YWHAE: variants seen among roughly 807,000 people sequenced by gnomAD.
The protein encoded by YWHAE is 14-3-3 protein epsilon.
YWHAE carries 4 observed loss-of-function variants against 30.1 expected under a neutral mutation model. The ratio of observed to expected loss-of-function variants is 0.13; its 90% CI spans 0.07 to 0.30. The LOEUF is 0.30. Among genes scored for constraint, YWHAE ranks in the 10% least tolerant of loss-of-function variants. YWHAE has a pLI of 1.00. For missense variants in YWHAE, 121 were observed against 315.9 expected (o/e 0.38, Z 4.68); for synonymous variants, 118 against 111.8 (o/e 1.06, Z -0.35).
rs1387965973 is a variant in YWHAE, at chr17:1,345,225, A to G, written c.*222T>C. On this transcript the variant is annotated 3_prime_UTR_variant, in exon 6 of 6. Coordinates refer to ENST00000264335, the MANE Select transcript of YWHAE (RefSeq NM_006761.5). ...TCCTGTTAGTGTCTTAAAGAACCTA[A>G]AAGCTGGGACCAGTAAAATCCACAG... The G allele has an allele frequency of 7.0e-6, 4 of 574,458 alleles. No homozygotes were observed. Among genetic ancestry groups the G allele is most frequent in the Non-Finnish European group, 1.2e-5 (4 of 326,470 alleles). 35.6% of individuals were successfully genotyped at this position (574,458 alleles called of 1,614,324 possible). A position where few individuals can be genotyped will look rare whatever the true frequency, so the allele number is the denominator to read the frequency against.
rs551918847 is a variant in YWHAE, at chr17:1,351,364, G to A, written c.715+2847C>T. On this transcript the variant is annotated intron_variant, in intron 5 of 5. Coordinates refer to ENST00000264335, the MANE Select transcript of YWHAE (RefSeq NM_006761.5). ...CTGCACTCCAGCCTGGGTAACAAGA[G>A]CAAAACTCCATCTCAAAAAAAAAAA... Among the ~76,000 whole-genome samples the A allele has an allele frequency of 2.0e-5, 3 of 150,868 alleles. No homozygotes were observed. In the East Asian group the frequency reaches 5.9e-4, roughly 29 times the overall value.
At chr17:1,347,581 G>T (rs984834764) in intron 5 of YWHAE, among the ~76,000 whole-genome samples, 1 of 152,120 alleles carries the variant, frequency 6.6e-6, no homozygotes, top group East Asian at 1.9e-4. Flanking sequence ...AAATTGCTTA[G>T]GGATGAAAGA....
chr17:1,369,737 G>C (rs753599238), intron 1 of YWHAE: 5 of 152,002 alleles, frequency 3.3e-5, no homozygotes, highest in Non-Finnish European at 7.4e-5. Context: ...TTCAGTTCCA[G>C]AGCACTGCAA....
intron 1 of YWHAE, among the ~76,000 whole-genome samples, chr17:1,366,582 T>C (rs796657440): frequency 1.9e-4 from 29 of 152,268 alleles, no homozygotes; most frequent in African/African-American, 6.5e-4. Context: ...TCCTTAGCTT[T>C]CATTAACACC....
At chr17:1,389,881 T>A (rs1368903825) in intron 1 of YWHAE, among the ~76,000 whole-genome samples, 1 of 151,506 alleles carries the variant, frequency 6.6e-6, no homozygotes, top group African/African-American at 2.4e-5. Flanking sequence ...TTTGCTCTTG[T>A]CGCCCAGGCT....
chr17:1,382,751 G>A (rs1390992668), intron 1 of YWHAE, among the ~76,000 whole-genome samples: 2 of 152,180 alleles, frequency 1.3e-5, no homozygotes, highest in East Asian at 3.9e-4. Context: ...CAGGCCAGGT[G>A]CGGTGGCTCA....
intron 1 of YWHAE, among the ~76,000 whole-genome samples, chr17:1,370,677 T>C (rs1380331932): frequency 6.6e-6 from 1 of 152,050 alleles, no homozygotes; most frequent in Non-Finnish European, 1.5e-5. Flanking sequence ...GTGATCTGCC[T>C]ACCTGCTGTG....
chr17:1,398,390 G>A (rs148668375), intron 1 of YWHAE, among the ~76,000 whole-genome samples: 29 of 141,380 alleles, frequency 2.1e-4, no homozygotes, highest in African/African-American at 7.0e-4. Context: ...GAATTTACAA[G>A]ACGAAATTTA....
chr17:1,345,061 G>A lies in YWHAE; in HGVS notation c.*386C>T, dbSNP rs912567519. ...AACTGATACCACTTATGCCTCTATA[G>A]TGTGATTAACCTCTCTCTTAGATGC... On this transcript the variant is annotated 3_prime_UTR_variant, in exon 6 of 6. Transcript: ENST00000264335. 2.9e-5 allele frequency: 8 copies of A among 272,282 alleles called. No individual in the cohort carries two copies. Among genetic ancestry groups the A allele is most frequent in the Non-Finnish European group, 5.6e-5 (8 of 143,110 alleles). The allele number at this position is 272,282 out of a possible 1,614,324, so 16.9% of individuals were successfully genotyped here.
chr17:1,399,203 C>G (rs1349717025), intron 1 of YWHAE: 2 of 152,138 alleles, frequency 1.3e-5, no homozygotes, highest in African/African-American at 4.8e-5. Flanking sequence ...TTCTATCCAT[C>G]AGAACCCACG....
intron 1 of YWHAE, among the ~76,000 whole-genome samples, chr17:1,370,271 C>T (rs922012910): frequency 4.0e-5 from 6 of 148,916 alleles, no homozygotes; most frequent in East Asian, 4.0e-4. Flanking sequence ...GGACCACAGG[C>T]GCCCGTCACC....
In YWHAE at chr17:1,381,971, A is replaced by G. The variant is rs75528108; in HGVS notation, c.65-16913T>C. 3.3e-3 allele frequency among the ~76,000 whole-genome samples: 493 copies of G among 150,412 alleles called. 1 individual carries two copies. The highest frequency in any genetic ancestry group is 0.01 in the Middle Eastern group (3 of 290). On this transcript the variant is annotated intron_variant, in intron 1 of 5. Coordinates refer to ENST00000264335, the MANE Select transcript of YWHAE (RefSeq NM_006761.5). ...GAAAAGGAAAAAAAAACACAGATAT[A>G]TAGGCACTGGAGCAAAGAAAAAGTT...
rs1369510480 is a variant in YWHAE at position 1,400,144 on chromosome 17, G to A, written c.-34C>T. The A allele has an allele frequency of 6.2e-7, 1 of 1,612,616 alleles. No individual in the cohort carries two copies. Among genetic ancestry groups the A allele is most frequent in the Admixed American group, 1.7e-5 (1 of 60,016 alleles). On this transcript the variant is annotated 5_prime_UTR_variant, in exon 1 of 6. Coordinates refer to ENST00000264335, the MANE Select transcript of YWHAE (RefSeq NM_006761.5). Reference sequence around the variant, plus strand: ...CGGCTCCGGCAGGGTCTGCGCGACGGATGGAAGCGGATAGTGTCTCCGACT... The same window carrying A: ...CGGCTCCGGCAGGGTCTGCGCGACGAATGGAAGCGGATAGTGTCTCCGACT...
chr17:1,374,179 G>A (rs1161500517), intron 1 of YWHAE, among the ~76,000 whole-genome samples: 1 of 151,796 alleles, frequency 6.6e-6, no homozygotes, highest in Non-Finnish European at 1.5e-5. Context: ...CTGCCATGAT[G>A]TCTAGGCGAA....
chr17:1,364,134 A>G (rs1373405546), intron 2 of YWHAE, among the ~76,000 whole-genome samples: 1 of 152,136 alleles, frequency 6.6e-6, no homozygotes, highest in Non-Finnish European at 1.5e-5. Flanking sequence ...ATATGTATAT[A>G]CACCCACAGT....
chr17:1,364,370 G>T (rs556503529), intron 2 of YWHAE, among the ~76,000 whole-genome samples: 16 of 152,102 alleles, frequency 1.1e-4, no homozygotes, highest in African/African-American at 3.9e-4. Context: ...GGGACCACAG[G>T]CTCCCGCCAC....
At chr17:1,391,544 T>C (rs2150877108) in intron 1 of YWHAE, among the ~76,000 whole-genome samples, 1 of 152,336 alleles carries the variant, frequency 6.6e-6, no homozygotes, top group East Asian at 1.9e-4. Context: ...TGACTTTCAT[T>C]ATTATTTGCT....
At chr17:1,358,074 C>T (rs1244274850) in intron 4 of YWHAE, among the ~76,000 whole-genome samples, 1 of 151,808 alleles carries the variant, frequency 6.6e-6, no homozygotes, top group Non-Finnish European at 1.5e-5. Flanking sequence ...ACTTAACAAA[C>T]GAAAAAAACA....
intron 2 of YWHAE, among the ~76,000 whole-genome samples, chr17:1,363,957 C>A (rs1197022656): frequency 1.3e-5 from 2 of 152,202 alleles, no homozygotes; most frequent in African/African-American, 2.4e-5. Flanking sequence ...GTCCCCACCC[C>A]ACTAGATGCT....
Sources: allele counts gnomAD v4.1 joint callset (sites outside exome capture counted in the v4.1 genomes callset), GRCh38; gene constraint gnomAD v4.1.1; transcripts MANE v1.5; gene names NCBI Gene and HGNC (gene_info 2026-07-23, HGNC 2026-07-21).